Variants in POFUT3 observed in about 807,000 individuals in gnomAD.
POFUT3 encodes GDP-fucose protein O-fucosyltransferase 3.
the POFUT3 span, among the ~76,000 whole-genome samples, chr8:33,380,013 T>TAC: frequency 3.6e-4 from 26 of 72,788 alleles, 1 homozygote; most frequent in African/African-American, 1.6e-3. Context: ...ACTATATATA[T>TAC]AGTATATATA....
At chr8:33,333,588 A>G in the POFUT3 span, among the ~76,000 whole-genome samples, 2 of 150,768 alleles carry the variant, frequency 1.3e-5, no homozygotes, top group Non-Finnish European at 2.9e-5. Flanking sequence ...GGGGTAGAGT[A>G]TTCCTGAGAG....
At chr8:33,405,112 G>A in the POFUT3 span, among the ~76,000 whole-genome samples, 1 of 151,950 alleles carries the variant, frequency 6.6e-6, no homozygotes. Flanking sequence ...CTGTAGTTAT[G>A]TGTGCACCTG....
the POFUT3 span, among the ~76,000 whole-genome samples, chr8:33,401,925 G>A: frequency 6.6e-6 from 1 of 152,006 alleles, no homozygotes; most frequent in Non-Finnish European, 1.5e-5. Flanking sequence ...CTACTCAGAG[G>A]CTGAGACACA....
chr8:33,318,488 G>C, the POFUT3 span, among the ~76,000 whole-genome samples: 2 of 122,724 alleles, frequency 1.6e-5, no homozygotes, highest in Non-Finnish European at 3.2e-5. Context: ...AATATATAAT[G>C]TACATATATT....
chr8:33,346,992 T>A, the POFUT3 span, among the ~76,000 whole-genome samples: 1 of 152,216 alleles, frequency 6.6e-6, no homozygotes, highest in East Asian at 1.9e-4. Flanking sequence ...AATACACTAT[T>A]GGCATTTGTT....
At chr8:33,367,830 A>G in the POFUT3 span, among the ~76,000 whole-genome samples, 1 of 152,182 alleles carries the variant, frequency 6.6e-6, no homozygotes, top group Non-Finnish European at 1.5e-5. Flanking sequence ...CTGACCCAAA[A>G]GCATTAATAT....
chr8:33,409,837 G>A, the POFUT3 span, among the ~76,000 whole-genome samples: 1 of 152,172 alleles, frequency 6.6e-6, no homozygotes, highest in African/African-American at 2.4e-5. Flanking sequence ...CCCATGAGGC[G>A]GAGCTTGCAG....
the POFUT3 span, among the ~76,000 whole-genome samples, chr8:33,366,805 A>AT: frequency 1.3e-5 from 2 of 152,182 alleles, no homozygotes; most frequent in East Asian, 1.9e-4. Context: ...AGTTTGTCAG[A>AT]TTTTTTTAAG....
chr8:33,420,604 A>G, the POFUT3 span, among the ~76,000 whole-genome samples: 1 of 152,210 alleles, frequency 6.6e-6, no homozygotes, highest in East Asian at 1.9e-4. Flanking sequence ...ACTACATTAG[A>G]TAGATTTGGG....
the POFUT3 span, among the ~76,000 whole-genome samples, chr8:33,442,858 T>G: frequency 1.3e-5 from 2 of 152,210 alleles, no homozygotes; most frequent in African/African-American, 4.8e-5. Flanking sequence ...AAAATGTAAG[T>G]TCATAAGGTT....
At chr8:33,375,652 A>G in the POFUT3 span, among the ~76,000 whole-genome samples, 15 of 152,346 alleles carry the variant, frequency 9.8e-5, no homozygotes, top group African/African-American at 3.4e-4. Context: ...TTATTTTTTA[A>G]TAACAGTCAC....
chr8:33,376,932 G>A, the POFUT3 span, among the ~76,000 whole-genome samples: 1,113 of 152,298 alleles, frequency 7.3e-3, 4 homozygotes, highest in Middle Eastern at 0.037. Context: ...AATCAGAGCA[G>A]GTAGCTAAGA....
At chr8:33,385,914 G>A in the POFUT3 span, among the ~76,000 whole-genome samples, 10 of 151,872 alleles carry the variant, frequency 6.6e-5, no homozygotes, top group Non-Finnish European at 7.4e-5. Context: ...GTGGCTGGGC[G>A]CAGTGGCTGA....
chr8:33,453,698 G>A, the POFUT3 span, among the ~76,000 whole-genome samples: 8 of 152,058 alleles, frequency 5.3e-5, no homozygotes, highest in African/African-American at 9.7e-5. Context: ...ATCTCAGTGC[G>A]TCGTCAGGGG....
the POFUT3 span, chr8:33,436,606 C>A: frequency 2.2e-6 from 2 of 899,416 alleles, no homozygotes; most frequent in Non-Finnish European, 3.7e-6. Context: ...CTTAATGATG[C>A]CACATTCCAG....
the POFUT3 span, among the ~76,000 whole-genome samples, chr8:33,462,912 C>G: frequency 6.7e-6 from 1 of 149,698 alleles, no homozygotes; most frequent in Admixed American, 6.7e-5. Flanking sequence ...GCGTAGGCAA[C>G]AGAGCAAGAC....
At chr8:33,329,262 G>C in the POFUT3 span, among the ~76,000 whole-genome samples, 1 of 152,210 alleles carries the variant, frequency 6.6e-6, no homozygotes, top group Non-Finnish European at 1.5e-5. Flanking sequence ...TGGGGAAGAT[G>C]TATTGCTATT....
chr8:33,415,492 G>A, the POFUT3 span, among the ~76,000 whole-genome samples: 2 of 151,970 alleles, frequency 1.3e-5, no homozygotes, highest in African/African-American at 2.4e-5. Flanking sequence ...TGAAAATATC[G>A]GGATTTAATG....
chr8:33,458,185 A>G, the POFUT3 span, among the ~76,000 whole-genome samples: 1 of 152,178 alleles, frequency 6.6e-6, no homozygotes, highest in South Asian at 2.1e-4. Context: ...ACAGCCATCT[A>G]TAAGCCAAGG....
Sources: gnomAD v4.1 joint callset for allele counts (sites outside exome capture counted in the v4.1 genomes callset) on GRCh38, gnomAD v4.1.1 for gene constraint, MANE v1.5 for transcripts, NCBI Gene and HGNC (gene_info 2026-07-23, HGNC 2026-07-21) for gene names.